PIK3C2G: variants seen among roughly 807,000 people sequenced by gnomAD.
PIK3C2G encodes the protein phosphatidylinositol-4-phosphate 3-kinase catalytic subunit type 2 gamma.
Under a neutral mutation model 181.1 loss-of-function variants are expected in PIK3C2G, and 168 were observed. That is an observed-to-expected ratio of 0.93 (90% CI 0.82 to 1.05). PIK3C2G has a LOEUF of 1.05. PIK3C2G is among the 50% of genes least tolerant of loss of function. The pLI is 0.00. For missense variants in PIK3C2G, 1,869 were observed against 1,732.8 expected (o/e 1.08, Z -1.40); for synonymous variants, 573 against 592.2 (o/e 0.97, Z 0.47).
Position 18,640,510 on chromosome 12 carries a change from A to G in PIK3C2G, c.4264A>G (p.Thr1422Ala). ...PYPSEVRRRKTKSVPKCTDPT... is the reference protein window; with the variant it reads ...PYPSEVRRRKAKSVPKCTDPT... ...TCCCAGTGAAGTTCGTAGGAGGAAA[A>G]CAAAATCTGTTCCAAAATGTACGGA... Residue 1422 changes from threonine to alanine, a missense_variant, in exon 32 of 33, where the codon ACA becomes GCA. By Grantham distance (58) the Thr-to-Ala change is moderately conservative. Coordinates refer to ENST00000538779, the MANE Select transcript of PIK3C2G (RefSeq NM_001288772.2). The G allele has an allele frequency of 6.2e-7, 1 of 1,605,562 alleles. No individual in the cohort carries two copies. Among genetic ancestry groups the G allele is most frequent in the Non-Finnish European group, 8.5e-7 (1 of 1,175,066 alleles).
chr12:18,429,989 G>A (rs1018989482), intron 18 of PIK3C2G, among the ~76,000 whole-genome samples: 5 of 152,078 alleles, frequency 3.3e-5, no homozygotes, highest in South Asian at 2.1e-4. Flanking sequence ...ATCAGATCAA[G>A]GTTAGACTTG....
intron 18 of PIK3C2G, among the ~76,000 whole-genome samples, chr12:18,484,245 A>G (rs951338393): frequency 6.6e-5 from 10 of 152,194 alleles, no homozygotes; most frequent in African/African-American, 2.4e-4. Flanking sequence ...GGGAACAATA[A>G]TGAAATCTAC....
the PIK3C2G span, among the ~76,000 whole-genome samples, chr12:18,659,194 C>G: frequency 2.0e-5 from 3 of 152,092 alleles, no homozygotes; most frequent in Non-Finnish European, 4.4e-5. Flanking sequence ...TAAAGGTACT[C>G]AAAAACTAGC....
At chr12:18,652,424 G>A (rs539537134), downstream of PIK3C2G, among the ~76,000 whole-genome samples, 1 of 152,244 alleles carries the variant, frequency 6.6e-6, no homozygotes, top group East Asian at 1.9e-4. Flanking sequence ...TGCAAAAGAG[G>A]CATGGCAGAG....
chr12:18,688,074 A>G, the PIK3C2G span: 2 of 1,609,682 alleles, frequency 1.2e-6, no homozygotes, highest in Middle Eastern at 3.3e-4. Context: ...TCAATAAGGT[A>G]TATCAGGAGC....
At chr12:18,526,824 G>A (rs934422362) in intron 24 of PIK3C2G, among the ~76,000 whole-genome samples, 1 of 152,102 alleles carries the variant, frequency 6.6e-6, no homozygotes, top group East Asian at 1.9e-4. Flanking sequence ...TTGTTTTATC[G>A]ATCTCATCTT....
intron 18 of PIK3C2G, among the ~76,000 whole-genome samples, chr12:18,442,728 A>C (rs1212448885): frequency 1.3e-5 from 2 of 152,216 alleles, no homozygotes; most frequent in Non-Finnish European, 2.9e-5. Context: ...TATTAACAAC[A>C]TTTACAATTG....
intron 22 of PIK3C2G, among the ~76,000 whole-genome samples, chr12:18,500,951 C>T (rs1941425551): frequency 6.6e-6 from 1 of 151,888 alleles, no homozygotes; most frequent in South Asian, 2.1e-4. Flanking sequence ...CGAACAACTC[C>T]AGACACACCG....
chr12:18,618,105 C>CT (rs908468214), intron 31 of PIK3C2G, among the ~76,000 whole-genome samples: 95 of 149,738 alleles, frequency 6.3e-4, no homozygotes, highest in Non-Finnish European at 9.2e-4. Flanking sequence ...GTTTTCTCTA[C>CT]TTTTTTTTTT....
the PIK3C2G span, among the ~76,000 whole-genome samples, chr12:18,654,862 GA>G: frequency 6.6e-6 from 1 of 152,102 alleles, no homozygotes; most frequent in Non-Finnish European, 1.5e-5. Context: ...ATAAAATTTT[GA>G]GAGTGGAAAG....
intron 3 of PIK3C2G, 59 bp downstream of exon 3, chr12:18,286,988 T>A: frequency 1.2e-6 from 1 of 842,684 alleles, no homozygotes; most frequent in Non-Finnish European, 1.9e-6. Flanking sequence ...ATTTGTGTAT[T>A]TTGACATCAC....
chr12:18,290,669 ATC>A (rs1471416714), intron 3 of PIK3C2G, among the ~76,000 whole-genome samples, 184 bp from the exon 4 acceptor site: 1 of 152,154 alleles, frequency 6.6e-6, no homozygotes, highest in African/African-American at 2.4e-5. Flanking sequence ...TATAATTGCA[ATC>A]TCTACCAATC....
intron 18 of PIK3C2G, among the ~76,000 whole-genome samples, chr12:18,460,647 T>TATATATATAC (rs1947871303): frequency 6.7e-6 from 1 of 148,510 alleles, no homozygotes; most frequent in African/African-American, 2.5e-5. Context: ...TATATATATA[T>TATATATATAC]AGCACTTAGC....
intron 29 of PIK3C2G, among the ~76,000 whole-genome samples, chr12:18,587,075 C>G (rs939262572): frequency 6.6e-6 from 1 of 152,034 alleles, no homozygotes; most frequent in Non-Finnish European, 1.5e-5. Flanking sequence ...TAGATGCCAT[C>G]TATAACAAAC....
chr12:18,696,322 C>CTATATATATAAATATATATA, the PIK3C2G span: 1 of 253,072 alleles, frequency 4.0e-6, no homozygotes, highest in African/African-American at 6.1e-5. Context: ...TAAAAAGCCA[C>CTATATATATAAATATATATA]TATATATATA....
chr12:18,710,494 T>A, the PIK3C2G span, among the ~76,000 whole-genome samples: 1 of 151,996 alleles, frequency 6.6e-6, no homozygotes. Flanking sequence ...TGTACAAATT[T>A]CAGCTTTTAT....
chr12:18,461,628 A>C (rs2135938748), intron 18 of PIK3C2G, among the ~76,000 whole-genome samples: 1 of 152,272 alleles, frequency 6.6e-6, no homozygotes, highest in South Asian at 2.1e-4. Flanking sequence ...TTGGTTTGTT[A>C]ATAGTGTCTA....
intron 13 of PIK3C2G, among the ~76,000 whole-genome samples, chr12:18,374,661 A>G (rs150955846): frequency 2.5e-4 from 38 of 152,320 alleles, no homozygotes; most frequent in African/African-American, 9.1e-4. Flanking sequence ...TACAAGAGGG[A>G]TATAATTTAG....
chr12:18,654,006 C>T, the PIK3C2G span, among the ~76,000 whole-genome samples: 5 of 152,012 alleles, frequency 3.3e-5, no homozygotes, highest in Non-Finnish European at 7.4e-5. Context: ...AAAAGAGCCT[C>T]ATTTTCTGAT....
Sources: gnomAD v4.1 joint callset for allele counts (sites outside exome capture counted in the v4.1 genomes callset) on GRCh38, gnomAD v4.1.1 for gene constraint, MANE v1.5 for transcripts, NCBI Gene and HGNC (gene_info 2026-07-23, HGNC 2026-07-21) for gene names.